The following RANBP2 variants were observed in gnomAD, a reference collection of about 807,000 sequenced individuals.
RANBP2 encodes the protein E3 SUMO-protein ligase RanBP2.
Under a neutral mutation model 303.6 loss-of-function variants are expected in RANBP2, and 57 were observed. The ratio of observed to expected loss-of-function variants is 0.19; its 90% confidence interval spans 0.15 to 0.23. RANBP2 has a LOEUF of 0.23. Among genes scored for constraint, RANBP2 ranks in the 10% least tolerant of loss-of-function variants. RANBP2 has a pLI of 1.00. For missense variants in RANBP2, 3,138 were observed against 3,780.8 expected (o/e 0.83, Z 4.46); for synonymous variants, 1,167 against 1,301.5 (o/e 0.90, Z 2.23).
chr2:108,735,611 C>T lies in RANBP2; in HGVS notation c.485C>T (p.Pro162Leu). Reference sequence around the variant, plus strand: ...ATTCAGTCAGAACTTTATGTAAGACCTGATGACGTCCATGTGAACATCCGG... The same window carrying T: ...ATTCAGTCAGAACTTTATGTAAGACTTGATGACGTCCATGTGAACATCCGG... ...DLIQSELYVR[P>L]DDVHVNIRLV... Residue 162 changes from proline (P) to leucine (L), a missense_variant, in exon 5 of 29, where the codon CCT becomes CTT. This residue lies in a region of RANBP2 where 306 missense variants were observed against 381.9 expected (regional missense o/e 0.80). Coordinates refer to ENST00000283195, the MANE Select transcript of RANBP2 (RefSeq NM_006267.5). 6.3e-7 allele frequency: 1 copy of T among 1,597,544 alleles called. No individual in the cohort carries two copies.
Position 108,754,990 on chromosome 2 carries a change from A to G in RANBP2, c.2288A>G (p.Tyr763Cys), listed in dbSNP as rs1032203733. 8.7e-6 allele frequency: 14 copies of G among 1,611,780 alleles called. No individual in the cohort carries two copies. Among genetic ancestry groups the G allele is most frequent in the African/African-American group, 4.0e-5 (3 of 74,832 alleles). ...GACTATAGTGAAGGAGGTCCTCTCT[A>G]TAAAAATGGTTCTTTGCGAAATGCA... ...LEDYSEGGPLYKNGSLRNADS... is the reference protein window; with the variant it reads ...LEDYSEGGPLCKNGSLRNADS... The change falls in exon 16 of 29, where the codon TAT (tyrosine) becomes TGT (cysteine). Residue 763 changes from tyrosine (Y) to cysteine (C), a missense_variant. Tyr to Cys is a radical substitution (Grantham distance 194, BLOSUM62 -2). Coordinates refer to ENST00000283195, the MANE Select transcript of RANBP2 (RefSeq NM_006267.5).
the RANBP2 span, among the ~76,000 whole-genome samples, chr2:109,244,174 A>G: frequency 6.6e-6 from 1 of 152,190 alleles, no homozygotes; most frequent in African/African-American, 2.4e-5. Context: ...TGAAGGATGT[A>G]CTATTTATGG....
At chr2:109,703,793 T>C in the RANBP2 span, among the ~76,000 whole-genome samples, 2 of 152,350 alleles carry the variant, frequency 1.3e-5, no homozygotes, top group South Asian at 4.1e-4. Context: ...CTTCCTCCTT[T>C]TATCTAACAC....
At chr2:108,807,160 G>A in the RANBP2 span, among the ~76,000 whole-genome samples, 1 of 152,110 alleles carries the variant, frequency 6.6e-6, no homozygotes, top group African/African-American at 2.4e-5. Flanking sequence ...GCATACTTGC[G>A]AGTGATCCAG....
At chr2:109,122,272 G>T in the RANBP2 span, among the ~76,000 whole-genome samples, 1 of 152,140 alleles carries the variant, frequency 6.6e-6, no homozygotes, top group Admixed American at 6.5e-5. Flanking sequence ...ATTTGGGAGG[G>T]GACCCTAGGA....
chr2:109,286,877 C>G, the RANBP2 span, among the ~76,000 whole-genome samples: 5 of 152,158 alleles, frequency 3.3e-5, no homozygotes, highest in African/African-American at 1.2e-4. Context: ...GTTGACCGGT[C>G]TGTCCCCAGA....
At chr2:109,682,696 T>C in the RANBP2 span, among the ~76,000 whole-genome samples, 81,977 of 151,972 alleles carry the variant, frequency 0.54, 22,686 homozygotes, top group African/African-American at 0.65. Context: ...TCTTAACTGT[T>C]TGGGAGGTCG....
chr2:109,325,027 G>A, the RANBP2 span, among the ~76,000 whole-genome samples: 2 of 143,820 alleles, frequency 1.4e-5, no homozygotes, highest in South Asian at 2.4e-4. Flanking sequence ...CGTAAGAGAT[G>A]TTTTTAAAAT....
the RANBP2 span, among the ~76,000 whole-genome samples, chr2:109,461,252 A>G: frequency 2.6e-5 from 4 of 152,364 alleles, no homozygotes; most frequent in East Asian, 1.9e-4. Flanking sequence ...CTCTAGTTGC[A>G]TGGTAATTGG....
intron 19 of RANBP2, among the ~76,000 whole-genome samples, chr2:108,762,950 T>C (rs935803807): frequency 2.0e-5 from 3 of 152,172 alleles, no homozygotes; most frequent in Admixed American, 6.5e-5. Flanking sequence ...ATCTTTGTAG[T>C]AATGTGGTTT....
At chr2:109,298,501 G>A in the RANBP2 span, among the ~76,000 whole-genome samples, 1 of 152,102 alleles carries the variant, frequency 6.6e-6, no homozygotes, top group Non-Finnish European at 1.5e-5. Flanking sequence ...GGATGATTTA[G>A]GTCACTTTGC....
Position 108,766,249 on chromosome 2 carries a change from G to A in RANBP2, c.5710G>A (p.Glu1904Lys), listed in dbSNP as rs2149279713. Reference sequence around the variant, plus strand: ...TGATGGATTTAAATTTGGCATTTCGGAACCAGGAAATCAAGAAAAGAAAAG... The same window carrying A: ...TGATGGATTTAAATTTGGCATTTCGAAACCAGGAAATCAAGAAAAGAAAAG... ...SADGFKFGIS[E>K]PGNQEKKSEK... The change falls in exon 20 of 29, where the codon GAA becomes AAA. Residue 1904 changes from glutamate to lysine, a missense_variant. By Grantham distance (56) the Glu-to-Lys change is moderately conservative (BLOSUM62 1). Coordinates refer to ENST00000283195, the MANE Select transcript of RANBP2 (RefSeq NM_006267.5). 1 of 1,612,088 alleles carries A rather than the reference G, an allele frequency of 6.2e-7. No individual in the cohort carries two copies. The highest frequency in any genetic ancestry group is 8.5e-7 in the Non-Finnish European group (1 of 1,179,978).
chr2:109,542,713 A>G, the RANBP2 span, among the ~76,000 whole-genome samples: 2 of 152,250 alleles, frequency 1.3e-5, no homozygotes, highest in South Asian at 2.1e-4. Context: ...TATGACATGT[A>G]TAATTTAATT....
the RANBP2 span, among the ~76,000 whole-genome samples, chr2:109,292,688 A>G: frequency 1.3e-5 from 2 of 152,330 alleles, no homozygotes; most frequent in South Asian, 4.1e-4. Context: ...TGAGAGGAGC[A>G]CAAACCGGCC....
At chr2:109,553,082 C>G in the RANBP2 span, 1 of 1,611,278 alleles carries the variant, frequency 6.2e-7, no homozygotes, top group Non-Finnish European at 8.5e-7. Flanking sequence ...AACCAGCATA[C>G]TTGCCTCTCT....
the RANBP2 span, among the ~76,000 whole-genome samples, chr2:108,792,543 A>G: frequency 6.6e-6 from 1 of 152,230 alleles, no homozygotes; most frequent in African/African-American, 2.4e-5. Context: ...TGCTCGGGCC[A>G]GGGATTGGTG....
chr2:109,102,659 A>C, the RANBP2 span, among the ~76,000 whole-genome samples: 1 of 152,148 alleles, frequency 6.6e-6, no homozygotes, highest in South Asian at 2.1e-4. Context: ...AAAGCCTATC[A>C]TCTGTCAAAA....
At chr2:109,609,402 T>C in the RANBP2 span, among the ~76,000 whole-genome samples, 1 of 152,008 alleles carries the variant, frequency 6.6e-6, no homozygotes, top group Non-Finnish European at 1.5e-5. Context: ...AATGCAGAGT[T>C]TACTTGATGC....
At chr2:109,014,984 G>C in the RANBP2 span, among the ~76,000 whole-genome samples, 1 of 151,954 alleles carries the variant, frequency 6.6e-6, no homozygotes, top group African/African-American at 2.4e-5. Context: ...GCCAGGCGTG[G>C]TGGCACATGC....
Sources: gnomAD v4.1 joint callset for allele counts (sites outside exome capture counted in the v4.1 genomes callset) on GRCh38, gnomAD v4.1.1 for gene constraint, gnomAD v4.1.1 regional missense constraint, MANE v1.5 for transcripts, NCBI Gene and HGNC (gene_info 2026-07-23, HGNC 2026-07-21) for gene names.